The following CNTLN variants were observed in gnomAD, a reference collection of about 807,000 sequenced individuals.
CNTLN encodes the protein centlein, also known as centlein, centrosomal protein.
In CNTLN, 212 loss-of-function variants were observed where a neutral mutation model predicts 180.0. The ratio of observed to expected loss-of-function variants is 1.18; its 90% CI spans 1.05 to 1.32. CNTLN has a LOEUF of 1.32. Ranked by LOEUF, CNTLN falls within the 40% of genes most tolerant of loss-of-function variation. The pLI is 0.00. For synonymous variants in CNTLN, 722 were observed against 563.1 expected, an observed-to-expected ratio of 1.28 and a Z score of -3.99; for missense variants, 2,095 against 1,610.9, an observed-to-expected ratio of 1.30 and a Z score of -5.14.
intron 24 of CNTLN, among the ~76,000 whole-genome samples, chr9:17,485,792 G>A (rs536064851): frequency 6.6e-6 from 1 of 152,122 alleles, no homozygotes; most frequent in Non-Finnish European, 1.5e-5. Flanking sequence ...TTGAGACCAA[G>A]TAATCTCTAA....
chr9:17,351,472 C>T (rs746972297), intron 12 of CNTLN, among the ~76,000 whole-genome samples: 1 of 152,262 alleles, frequency 6.6e-6, no homozygotes, highest in Non-Finnish European at 1.5e-5. Context: ...AATTTATTCC[C>T]GTCCATTATT....
chr9:17,333,340 A>T lies in CNTLN; in HGVS notation c.1644+610A>T, dbSNP rs185202509. On this transcript the variant is annotated intron_variant, in intron 10 of 25. Coordinates refer to ENST00000380647, the MANE Select transcript of CNTLN (RefSeq NM_017738.4). ...CTCTTTTTCAATATGCAAGTTGTTC[A>T]TACATATTGAACCCATTTTGTGTGA... 1.8e-4 allele frequency among the ~76,000 whole-genome samples: 27 copies of T among 152,212 alleles called. 1 individual carries two copies. The East Asian group carries it at 5.2e-3, about 29-fold the overall frequency.
In CNTLN at chr9:17,484,343, A is replaced by G. The variant is rs1832793109; in HGVS notation, c.3904A>G (p.Ile1302Val). The G allele has an allele frequency of 6.2e-7, 1 of 1,611,706 alleles. No homozygotes were observed. The highest frequency in any genetic ancestry group is 1.3e-5 in the African/African-American group (1 of 74,600). Residue 1302 changes from isoleucine (I) to valine (V), a missense_variant, in exon 24 of 26, where the codon ATA becomes GTA. Ile to Val is a conservative substitution (Grantham distance 29). Transcript: ENST00000380647. ...TGATGTCCATGTGGTAAGGCGACAA[A>G]TAAGAGAGCTTAAAAAAATGAAGAA... ...QNDVHVVRRQ[I>V]RELKKMKKNR...
chr9:17,470,901 T>C (rs182405635), intron 23 of CNTLN, among the ~76,000 whole-genome samples: 16 of 152,198 alleles, frequency 1.1e-4, no homozygotes. Context: ...TCTTGCTTCT[T>C]TAGTGAATAC....
chr9:17,285,160 C>G (rs974331061), intron 6 of CNTLN, among the ~76,000 whole-genome samples: 1 of 117,948 alleles, frequency 8.5e-6, no homozygotes, highest in Non-Finnish European at 1.7e-5. Flanking sequence ...CCCCCTCCCC[C>G]CACCCCACCA....
chr9:17,374,431 C>G (rs913894675), intron 13 of CNTLN, among the ~76,000 whole-genome samples: 13 of 152,148 alleles, frequency 8.5e-5, no homozygotes, highest in Non-Finnish European at 1.9e-4. Context: ...TCATCCCAGC[C>G]TGAATGGCTC....
intron 8 of CNTLN, among the ~76,000 whole-genome samples, chr9:17,329,789 T>G (rs1369333806): frequency 1.3e-5 from 2 of 151,598 alleles, no homozygotes; most frequent in Non-Finnish European, 2.9e-5. Context: ...TTCATCAGTT[T>G]AAGTGCAAAT....
chr9:17,213,959 A>G (rs1443309009), intron 2 of CNTLN, among the ~76,000 whole-genome samples: 1 of 151,802 alleles, frequency 6.6e-6, no homozygotes, highest in Non-Finnish European at 1.5e-5. Context: ...TTTGCAGGTG[A>G]TATGGGTCTT....
At chr9:17,297,484 C>T (rs1232694423) in intron 6 of CNTLN, among the ~76,000 whole-genome samples, 1 of 152,158 alleles carries the variant, frequency 6.6e-6, no homozygotes, top group African/African-American at 2.4e-5. Context: ...GGATTCACAA[C>T]CACAGCAATC....
In CNTLN at chr9:17,409,421, A is replaced by C; in HGVS notation, c.2744A>C (p.Gln915Pro). 8 of 1,613,164 alleles carry C rather than the reference A, an allele frequency of 5.0e-6. No individual in the cohort carries two copies. The highest frequency in any genetic ancestry group is 6.8e-6 in the Non-Finnish European group (8 of 1,179,624). ...ESDPTEDSQT[Q>P]GKEIVQTYLN... is the part of the protein sequence containing the mutation. ...GATCCAACAGAAGACAGCCAAACAC[A>C]AGGAAAAGAAATAGTACAGACATAT... is the stretch of plus-strand genomic sequence containing the variant. The change falls in exon 16 of 26, where the codon CAA becomes CCA. Residue 915 changes from glutamine to proline, a missense_variant. By Grantham distance (76) the Gln-to-Pro change is moderately conservative (BLOSUM62 -1). Transcript: ENST00000380647.
At chr9:17,500,987 A>G (rs1198968994) in intron 25 of CNTLN, among the ~76,000 whole-genome samples, 3 of 152,184 alleles carry the variant, frequency 2.0e-5, no homozygotes, top group Non-Finnish European at 4.4e-5. Flanking sequence ...ATTATCCTCC[A>G]TAAGAGAACT....
chr9:17,144,847 T>A (rs888979805), intron 2 of CNTLN, among the ~76,000 whole-genome samples: 1 of 150,676 alleles, frequency 6.6e-6, no homozygotes, highest in African/African-American at 2.4e-5. Flanking sequence ...TTTTATTTTT[T>A]TTTTTGAGAC....
intron 23 of CNTLN, among the ~76,000 whole-genome samples, chr9:17,475,931 C>G (rs1832316351): frequency 6.6e-6 from 1 of 150,846 alleles, no homozygotes; most frequent in African/African-American, 2.4e-5. Context: ...AGACATACCT[C>G]ATTTTATTGT....
chr9:17,200,556 CT>C lies in CNTLN; in HGVS notation c.450-25645del, dbSNP rs372206704. Among the ~76,000 whole-genome samples, 247 of 152,176 alleles carry C rather than the reference CT, an allele frequency of 1.6e-3. 1 individual carries two copies. The highest frequency in any genetic ancestry group is 5.7e-3 in the African/African-American group (238 of 41,524). On this transcript the variant is annotated intron_variant, in intron 2 of 25. Coordinates refer to ENST00000380647, the MANE Select transcript of CNTLN (RefSeq NM_017738.4). ...GTCCTTGAAGAGGTCCTTCATATCC[CT>C]TGTAACATGTATTCCTAGGTATTTT...
chr9:17,290,517 T>G (rs1829305587), intron 6 of CNTLN, among the ~76,000 whole-genome samples: 1 of 145,008 alleles, frequency 6.9e-6, no homozygotes, highest in Non-Finnish European at 1.5e-5. Flanking sequence ...CAGGCCTCCT[T>G]GAGCTGTGGT....
chr9:17,423,593 C>T (rs1231441823), intron 18 of CNTLN, among the ~76,000 whole-genome samples: 4 of 152,114 alleles, frequency 2.6e-5, no homozygotes, highest in Non-Finnish European at 4.4e-5. Context: ...CAACTGGCTC[C>T]AAGCCCAGCA....
chr9:17,292,860 T>A (rs1446005265), intron 6 of CNTLN, among the ~76,000 whole-genome samples: 3 of 152,156 alleles, frequency 2.0e-5, no homozygotes, highest in Non-Finnish European at 4.4e-5. Flanking sequence ...GGTATTATGA[T>A]CATATGGAGA....
At chr9:17,507,840 A>T (rs1352275266), downstream of CNTLN, among the ~76,000 whole-genome samples, 1 of 152,186 alleles carries the variant, frequency 6.6e-6, no homozygotes, top group East Asian at 1.9e-4. Flanking sequence ...TCTTCAGCAG[A>T]CACAGTCTAC....
chr9:17,153,522 G>A lies in CNTLN; in HGVS notation c.449+10146G>A, dbSNP rs1221089627. ...GGCTTGTAGGGTTTCTCCAGAGAGA[G>A]ATCTGCTGTTAGTCTGATGGGCTTC... is the stretch of plus-strand genomic sequence containing the variant. On this transcript the variant is annotated intron_variant, in intron 2 of 25. Transcript: ENST00000380647. Among the ~76,000 whole-genome samples, 6 of 152,332 alleles carry A rather than the reference G, an allele frequency of 3.9e-5. No individual in the cohort carries two copies. In the East Asian group the frequency reaches 9.7e-4, roughly 25 times the overall value.
Sources: allele counts gnomAD v4.1 joint callset (sites outside exome capture counted in the v4.1 genomes callset), GRCh38; gene constraint gnomAD v4.1.1; transcripts MANE v1.5; gene names NCBI Gene and HGNC (gene_info 2026-07-23, HGNC 2026-07-21).